Variants in PUM1 observed in about 807,000 individuals in gnomAD.
PUM1 encodes pumilio RNA binding family member 1, also known as pumilio homolog 1.
Under a neutral mutation model 131.8 loss-of-function variants are expected in PUM1, and 13 were observed. That is an observed-to-expected ratio of 0.10 (90% confidence interval 0.06 to 0.16). The LOEUF (loss-of-function observed/expected upper bound fraction) is 0.16, where lower values mean the gene tolerates loss of function less well. Among genes scored for constraint, PUM1 ranks in the 10% least tolerant of loss-of-function variants. PUM1 has a pLI of 1.00. For synonymous variants in PUM1, 509 were observed against 556.5 expected, an observed-to-expected ratio of 0.91 and a Z score of 1.20; for missense variants, 961 against 1,512.4, an observed-to-expected ratio of 0.64 and a Z score of 6.05.
chr1:31,009,179 T>C (rs565361766), intron 3 of PUM1, among the ~76,000 whole-genome samples: 2 of 149,874 alleles, frequency 1.3e-5, no homozygotes, highest in Non-Finnish European at 3.0e-5. Context: ...CGAGACTCCA[T>C]CTTCAAAAAA....
chr1:30,937,021 G>A (rs1639239187), intron 20 of PUM1, among the ~76,000 whole-genome samples, 186 bp from the exon 21 acceptor site: 1 of 152,126 alleles, frequency 6.6e-6, no homozygotes, highest in Admixed American at 6.5e-5. Flanking sequence ...GCCATCTGTG[G>A]CATCCAATCG....
At chr1:31,052,405 C>T (rs1282956358) in intron 2 of PUM1, among the ~76,000 whole-genome samples, 1 of 148,978 alleles carries the variant, frequency 6.7e-6, no homozygotes, top group Non-Finnish European at 1.5e-5. Context: ...TCCTTTTTTT[C>T]ATTTTTTTTT....
chr1:30,979,680 G>A (rs913085442), intron 9 of PUM1, among the ~76,000 whole-genome samples: 6 of 152,170 alleles, frequency 3.9e-5, no homozygotes, highest in African/African-American at 1.4e-4. Flanking sequence ...CAATTTAGAG[G>A]GGAAGAGGAG....
At chr1:31,056,016 T>C (rs1167060504) in intron 2 of PUM1, among the ~76,000 whole-genome samples, 1 of 152,166 alleles carries the variant, frequency 6.6e-6, no homozygotes. Context: ...ACAGGGTTTG[T>C]TTTTGCCCCA....
chr1:30,948,656 T>C (rs1639788738), intron 17 of PUM1, among the ~76,000 whole-genome samples: 2 of 152,092 alleles, frequency 1.3e-5, no homozygotes, highest in Admixed American at 1.3e-4. Context: ...GAGGCTAAGA[T>C]GGGAGGACCA....
intron 3 of PUM1, among the ~76,000 whole-genome samples, chr1:31,023,911 C>T (rs1343910980): frequency 1.6e-5 from 2 of 123,590 alleles, no homozygotes; most frequent in Admixed American, 1.9e-4. Flanking sequence ...GGTGACAGAG[C>T]GAGACTCTGT....
chr1:30,941,443 T>C (rs1297936922), intron 19 of PUM1, among the ~76,000 whole-genome samples, 171 bp from the exon 20 acceptor site: 3 of 152,236 alleles, frequency 2.0e-5, no homozygotes, highest in Non-Finnish European at 4.4e-5. Flanking sequence ...TTCTCTATTA[T>C]TACAAAACAG....
chr1:31,042,612 CTTTT>C (rs1245250308), intron 2 of PUM1, among the ~76,000 whole-genome samples: 1 of 151,884 alleles, frequency 6.6e-6, no homozygotes, highest in Admixed American at 6.6e-5. Flanking sequence ...GTCTTTTTTT[CTTTT>C]TTAACTGTTT....
intron 3 of PUM1, among the ~76,000 whole-genome samples, chr1:31,026,189 G>A (rs889043560): frequency 1.3e-5 from 2 of 151,782 alleles, no homozygotes; most frequent in African/African-American, 2.4e-5. Context: ...CCAGGAGGCG[G>A]AGGTTACAGT....
chr1:31,047,752 G>T (rs12066396), intron 2 of PUM1, among the ~76,000 whole-genome samples: 3,619 of 152,272 alleles, frequency 0.024, 161 homozygotes, highest in African/African-American at 0.081. Flanking sequence ...AGACATCCTG[G>T]CCAACACGGT....
intron 2 of PUM1, among the ~76,000 whole-genome samples, chr1:31,040,758 T>G (rs1429163859): frequency 6.6e-6 from 1 of 151,714 alleles, no homozygotes; most frequent in Admixed American, 6.6e-5. Context: ...TAATAATAAA[T>G]TTAAAATAAA....
chr1:30,937,998 C>T (rs1188162305), intron 20 of PUM1, among the ~76,000 whole-genome samples: 1 of 151,894 alleles, frequency 6.6e-6, no homozygotes, highest in East Asian at 1.9e-4. Context: ...GCTCAAACTC[C>T]CAACCTCAAG....
chr1:31,038,434 C>A (rs1037978626), intron 2 of PUM1, among the ~76,000 whole-genome samples: 3 of 152,162 alleles, frequency 2.0e-5, no homozygotes, highest in Non-Finnish European at 4.4e-5. Context: ...ACTTTCTACA[C>A]TCTCCTTAAC....
chr1:31,051,616 T>G (rs1319794472), intron 2 of PUM1, among the ~76,000 whole-genome samples: 2 of 79,986 alleles, frequency 2.5e-5, no homozygotes, highest in East Asian at 1.7e-3. Context: ...CCCACTGATT[T>G]TTTTTTTTTG....
chr1:31,015,695 T>C (rs1473606961), intron 3 of PUM1, among the ~76,000 whole-genome samples: 1 of 140,644 alleles, frequency 7.1e-6, no homozygotes, highest in African/African-American at 2.7e-5. Context: ...TTTTTTGAGA[T>C]GGAGTTTCTC....
chr1:30,975,514 C>G (rs1318683160), intron 9 of PUM1, among the ~76,000 whole-genome samples: 1 of 133,302 alleles, frequency 7.5e-6, no homozygotes, highest in East Asian at 2.3e-4. Flanking sequence ...CTATACCTGA[C>G]TAATTTTTTT....
intron 10 of PUM1, among the ~76,000 whole-genome samples, chr1:30,971,140 C>G (rs1640858079): frequency 6.6e-6 from 1 of 152,116 alleles, no homozygotes; most frequent in South Asian, 2.1e-4. Flanking sequence ...ATTTTAAAGT[C>G]TAATAAATCA....
intron 18 of PUM1, 81 bp downstream of exon 18, chr1:30,945,265 A>C (rs1334951251): frequency 6.6e-7 from 1 of 1,504,364 alleles, no homozygotes; most frequent in Non-Finnish European, 9.2e-7. Flanking sequence ...GCATATTGAG[A>C]ACATGCCACA....
chr1:30,992,018 A>T (rs1641812322), intron 7 of PUM1, among the ~76,000 whole-genome samples: 1 of 152,236 alleles, frequency 6.6e-6, no homozygotes, highest in Non-Finnish European at 1.5e-5. Context: ...GGTGGATAGT[A>T]GAGTTTACTA....
Sources: allele counts gnomAD v4.1 joint callset (sites outside exome capture counted in the v4.1 genomes callset), GRCh38; gene constraint gnomAD v4.1.1; transcripts MANE v1.5; gene names NCBI Gene and HGNC (gene_info 2026-07-23, HGNC 2026-07-21).